The following HERC3 variants were observed in gnomAD, a reference collection of about 807,000 sequenced individuals.
The protein encoded by HERC3 is probable E3 ubiquitin-protein ligase HERC3.
A neutral mutation model predicts 129.9 loss-of-function variants in HERC3; 58 were observed. The observed-to-expected ratio is 0.45, with a 90% CI of 0.36 to 0.56. The LOEUF is 0.56. Among genes scored for constraint, HERC3 ranks in the 20% least tolerant of loss-of-function variants. HERC3 has a pLI of 0.00. For missense variants in HERC3, 835 were observed against 1,244.2 expected (o/e 0.67, Z 4.95); for synonymous variants, 430 against 451.0 (o/e 0.95, Z 0.59).
chr4:88,656,344 A>T, intron 9 of HERC3: 1 of 270,912 alleles, frequency 3.7e-6, no homozygotes, highest in Middle Eastern at 1.2e-3. Flanking sequence ...CTCTACAGGG[A>T]GCATGATGCA....
intron 9 of HERC3, chr4:88,656,610 T>C (rs1729927613): frequency 1.3e-5 from 2 of 152,574 alleles, no homozygotes; most frequent in African/African-American, 2.4e-5. Flanking sequence ...ACCTCCAACA[T>C]TGGGATTACT....
the HERC3 span, among the ~76,000 whole-genome samples, chr4:88,559,496 T>G: frequency 2.0e-5 from 3 of 152,200 alleles, no homozygotes; most frequent in East Asian, 1.9e-4. Context: ...TAGTTGTTGT[T>G]TTGTTTTGTT....
the HERC3 span, among the ~76,000 whole-genome samples, chr4:88,543,942 T>C: frequency 6.6e-6 from 1 of 152,164 alleles, no homozygotes; most frequent in African/African-American, 2.4e-5. Flanking sequence ...AAGACTTAAA[T>C]GTAAGATCTA....
intron 2 of HERC3, among the ~76,000 whole-genome samples, chr4:88,605,431 T>A (rs1467952511): frequency 6.6e-6 from 1 of 152,182 alleles, no homozygotes; most frequent in African/African-American, 2.4e-5. Flanking sequence ...AAGGATAAGG[T>A]GAAGTCTTGA....
chr4:88,533,277 G>T, the HERC3 span, among the ~76,000 whole-genome samples: 11 of 152,264 alleles, frequency 7.2e-5, no homozygotes, highest in Non-Finnish European at 1.5e-5. Flanking sequence ...GCAGGTGATT[G>T]GATGGTGCCC....
In HERC3 at chr4:88,707,002, T is replaced by C. The variant is rs1172250586; in HGVS notation, c.*42T>C. 1 of 1,490,326 alleles carries C rather than the reference T, an allele frequency of 6.7e-7. No individual in the cohort carries two copies. The highest frequency in any genetic ancestry group is 1.4e-5 in the African/African-American group (1 of 72,464). 92.3% of individuals were successfully genotyped at this position (1,490,326 alleles called of 1,614,324 possible). ...CAGTATTTCCCTTCGTTCCTCAGTG[T>C]CCACATTGAGGCCTATACAGAAAAT... On this transcript the variant is annotated 3_prime_UTR_variant, in exon 26 of 26. Transcript: ENST00000402738.
the HERC3 span, among the ~76,000 whole-genome samples, chr4:88,578,443 G>A: frequency 1.3e-5 from 2 of 152,004 alleles, no homozygotes; most frequent in African/African-American, 4.8e-5. Flanking sequence ...TTAGCTGGGT[G>A]TGGAGGGGGG....
the HERC3 span, among the ~76,000 whole-genome samples, chr4:88,555,214 C>T: frequency 0.077 from 11,398 of 147,562 alleles, 607 homozygotes; most frequent in East Asian, 0.28. Flanking sequence ...ACCTGGGAGG[C>T]GGAGGTTGCA....
chr4:88,687,104 T>G (rs1733559812), intron 22 of HERC3, 113 bp from the exon 23 acceptor site: 2 of 751,350 alleles, frequency 2.7e-6, no homozygotes, highest in Admixed American at 2.9e-5. Context: ...ACTAATTTTC[T>G]GTAATAGTCA....
chr4:88,558,071 C>CAAAAAAAAAAAAAAAAAAAA, the HERC3 span, among the ~76,000 whole-genome samples: 38 of 39,134 alleles, frequency 9.7e-4, no homozygotes, highest in Non-Finnish European at 1.7e-3. Flanking sequence ...GACTCTGACT[C>CAAAAAAAAAAAAAAAAAAAA]AAAAAAAAAA....
At chr4:88,543,444 C>T in the HERC3 span, among the ~76,000 whole-genome samples, 26 of 152,122 alleles carry the variant, frequency 1.7e-4, no homozygotes, top group African/African-American at 3.4e-4. Flanking sequence ...AGGACACAAA[C>T]GAATGGAAGA....
At chr4:88,596,248 G>A (rs193135327) in intron 2 of HERC3, among the ~76,000 whole-genome samples, 2 of 152,312 alleles carry the variant, frequency 1.3e-5, no homozygotes, top group East Asian at 1.9e-4. Context: ...TTAGAGGTTA[G>A]ATCAAATGGA....
chr4:88,688,965 G>C (rs1394477240), intron 23 of HERC3, among the ~76,000 whole-genome samples: 1 of 152,140 alleles, frequency 6.6e-6, no homozygotes, highest in Non-Finnish European at 1.5e-5. Context: ...AAAGGTGAGA[G>C]AATGACAGTC....
chr4:88,643,961 A>G (rs1428612944), intron 3 of HERC3, among the ~76,000 whole-genome samples: 1 of 152,246 alleles, frequency 6.6e-6, no homozygotes, highest in African/African-American at 2.4e-5. Context: ...TTTAATTTTA[A>G]AAATTGGCAA....
At chr4:88,690,991 G>A (rs755548948) in intron 23 of HERC3, among the ~76,000 whole-genome samples, 10 of 152,282 alleles carry the variant, frequency 6.6e-5, no homozygotes, top group Admixed American at 4.6e-4. Context: ...ATCTGAAGGC[G>A]TTCAGAGAAG....
intron 14 of HERC3, among the ~76,000 whole-genome samples, chr4:88,669,089 T>C (rs75035885): frequency 0.046 from 7,056 of 152,266 alleles, 207 homozygotes; most frequent in Middle Eastern, 0.12. Context: ...TTTTACACTT[T>C]ATTTTTAACT....
chr4:88,548,497 C>T, the HERC3 span, among the ~76,000 whole-genome samples: 2 of 151,910 alleles, frequency 1.3e-5, no homozygotes, highest in Admixed American at 1.3e-4. Flanking sequence ...TTTGTTTATC[C>T]TCTTTGGAGA....
At chr4:88,616,075 G>A (rs1035727114) in intron 3 of HERC3, among the ~76,000 whole-genome samples, 2 of 152,168 alleles carry the variant, frequency 1.3e-5, no homozygotes, top group Non-Finnish European at 2.9e-5. Context: ...GAATGATATG[G>A]ACATTCAGCT....
chr4:88,693,272 T>C (rs1180747989), intron 23 of HERC3: 1 of 975,372 alleles, frequency 1.0e-6, no homozygotes, highest in Non-Finnish European at 1.2e-6. Flanking sequence ...CCTTTAAATT[T>C]GCTTTTTAAT....
Sources: allele counts gnomAD v4.1 joint callset (sites outside exome capture counted in the v4.1 genomes callset), GRCh38; gene constraint gnomAD v4.1.1; transcripts MANE v1.5; gene names NCBI Gene and HGNC (gene_info 2026-07-23, HGNC 2026-07-21).